The following CFAP20DC variants were observed in gnomAD, a reference collection of about 807,000 sequenced individuals.
CFAP20DC encodes protein CFAP20DC.
A neutral mutation model predicts 101.7 loss-of-function variants in CFAP20DC; 84 were observed. The ratio of observed to expected loss-of-function variants is 0.83; its 90% CI spans 0.69 to 0.99. The LOEUF (loss-of-function observed/expected upper bound fraction) is 0.99. Among genes scored for constraint, CFAP20DC ranks in the 50% least tolerant of loss-of-function variants. CFAP20DC has a pLI of 0.00. For synonymous variants in CFAP20DC, 359 were observed against 351.2 expected, an observed-to-expected ratio of 1.02 and a Z score of -0.25; for missense variants, 1,007 against 970.3, an observed-to-expected ratio of 1.04 and a Z score of -0.50.
chr3:59,021,992 T>C (rs1201042234), intron 4 of CFAP20DC, among the ~76,000 whole-genome samples: 1 of 152,046 alleles, frequency 6.6e-6, no homozygotes, highest in African/African-American at 2.4e-5. Context: ...AGTTGCTTTG[T>C]TTTTTGCCTT....
At chr3:58,878,138 C>T (rs1449967278) in intron 7 of CFAP20DC, among the ~76,000 whole-genome samples, 3 of 152,006 alleles carry the variant, frequency 2.0e-5, no homozygotes, top group Non-Finnish European at 4.4e-5. Flanking sequence ...TCTGTAAACC[C>T]AGAAAACACA....
Position 58,912,684 on chromosome 3 carries a change from T to A in CFAP20DC, c.550+1024A>T. On this transcript the variant is annotated intron_variant, in intron 6 of 16. Transcript: ENST00000482387. This position sits in a 1 kb window ranked among gnomAD's most constrained non-coding sequence, Gnocchi z 4.4. ...AGTATTCTTTCAATACTTTTGGTTGTTTAAAACCATCTGAGCAGTATGGTG... is the reference window on the plus strand; with the variant it reads ...AGTATTCTTTCAATACTTTTGGTTGATTAAAACCATCTGAGCAGTATGGTG... 2.2e-6 allele frequency: 1 copy of A among 452,830 alleles called. No individual in the cohort carries two copies. 28.1% of individuals were successfully genotyped at this position (452,830 alleles called of 1,614,324 possible). A position where few individuals can be genotyped will look rare whatever the true frequency, so the allele number is the denominator to read the frequency against.
Position 58,724,130 on chromosome 3 carries a change from G to T in CFAP20DC, c.198-6502C>A, listed in dbSNP as rs1027565699. 1.1e-4 allele frequency among the ~76,000 whole-genome samples: 16 copies of T among 152,166 alleles called. No homozygotes were observed. In the East Asian group the frequency reaches 2.9e-3, roughly 28 times the overall value. On this transcript the variant is annotated intron_variant, in intron 3 of 3. Transcript: ENST00000486145. This position sits in a 1 kb window ranked among gnomAD's most constrained non-coding sequence, Gnocchi z 5.6. Reference sequence around the variant, plus strand: ...AGGGGCCTGGGGAATTCTCAAGTTGGTTTGTGGGGGTCAAGCAGGTTCTTC... The same window carrying T: ...AGGGGCCTGGGGAATTCTCAAGTTGTTTTGTGGGGGTCAAGCAGGTTCTTC...
rs1273727693 is a variant in CFAP20DC at position 59,033,187 on chromosome 3, T to C, written c.278+6370A>G. ...AAAAGGATGTCCACACAAAAACCCA[T>C]CCGAAGGTCACCAACATCAAAGACC... On this transcript the variant is annotated intron_variant, in intron 4 of 16. Transcript: ENST00000482387. 3.9e-5 allele frequency among the ~76,000 whole-genome samples: 6 copies of C among 151,900 alleles called. No homozygotes were observed. In the South Asian group the frequency reaches 1.2e-3, roughly 32 times the overall value.
At position 59,006,081 on chromosome 3, in the gene CFAP20DC, A is replaced by G. The variant is rs1236698937; in HGVS notation, c.278+33476T>C. On this transcript the variant is annotated intron_variant, in intron 4 of 16. Coordinates refer to ENST00000482387, the MANE Select transcript of CFAP20DC (RefSeq NM_001394063.1). This position sits in a 1 kb window ranked among gnomAD's most constrained non-coding sequence, Gnocchi z 4.3. ...CCTACATTTATATGTGTTTTTATAAATATGTAATATACTGTGTATATGTAT... is the reference window on the plus strand; with the variant it reads ...CCTACATTTATATGTGTTTTTATAAGTATGTAATATACTGTGTATATGTAT... Among the ~76,000 whole-genome samples, 1 of 152,194 alleles carries G rather than the reference A, an allele frequency of 6.6e-6. No homozygotes were observed. The highest frequency in any genetic ancestry group is 1.5e-5 in the Non-Finnish European group (1 of 68,034).
intron 5 of CFAP20DC, among the ~76,000 whole-genome samples, chr3:58,931,213 T>TG (rs1350091357): frequency 6.6e-6 from 1 of 151,940 alleles, no homozygotes; most frequent in East Asian, 1.9e-4. Flanking sequence ...GAAGCGAGGC[T>TG]GGGGGAGGGG....
intron 4 of CFAP20DC, among the ~76,000 whole-genome samples, chr3:59,021,649 C>T (rs1168203185): frequency 6.6e-6 from 1 of 152,090 alleles, no homozygotes; most frequent in Non-Finnish European, 1.5e-5. Context: ...CAGATTGAAC[C>T]TGGTCACACA....
chr3:58,925,140 T>C (rs1033429113), intron 5 of CFAP20DC, among the ~76,000 whole-genome samples: 3 of 152,202 alleles, frequency 2.0e-5, no homozygotes, highest in Non-Finnish European at 4.4e-5. Flanking sequence ...GATTTTTTTT[T>C]CTGCTAGTTA....
chr3:58,841,723 T>A (rs1040761103), intron 13 of CFAP20DC, among the ~76,000 whole-genome samples: 1 of 152,240 alleles, frequency 6.6e-6, no homozygotes, highest in African/African-American at 2.4e-5. Flanking sequence ...ATTTTACAAT[T>A]CTTTTCCTAT....
chr3:58,801,160 G>A (rs150774959), intron 15 of CFAP20DC, among the ~76,000 whole-genome samples: 404 of 152,158 alleles, frequency 2.7e-3, no homozygotes, highest in African/African-American at 8.3e-3. Context: ...AGCCAGACCC[G>A]TGGGTTCTAA....
intron 6 of CFAP20DC, among the ~76,000 whole-genome samples, chr3:58,898,597 T>C (rs1390360229): frequency 6.6e-6 from 1 of 152,228 alleles, no homozygotes; most frequent in African/African-American, 2.4e-5. Flanking sequence ...TGTTTTATCA[T>C]GATTCTTAGC....
intron 4 of CFAP20DC, among the ~76,000 whole-genome samples, chr3:58,956,499 C>A (rs1559894818): frequency 6.6e-6 from 1 of 152,072 alleles, no homozygotes; most frequent in Non-Finnish European, 1.5e-5. Context: ...GGTTTGAGTG[C>A]CTTCTCAGCT....
rs768925158 is a variant in CFAP20DC at position 58,918,700 on chromosome 3, T to C, written c.394-4836A>G. On this transcript the variant is annotated intron_variant, in intron 5 of 16. Coordinates refer to ENST00000482387, the MANE Select transcript of CFAP20DC (RefSeq NM_001394063.1). ...ATACTGGCAACTCCTTTGAAATATA[T>C]TCTTCCCAGGGATGCAAGAGTCTGG... is the stretch of plus-strand genomic sequence containing the variant. Among the ~76,000 whole-genome samples the C allele has an allele frequency of 3.7e-4, 57 of 152,236 alleles. 1 individual carries two copies. Among genetic ancestry groups the C allele is most frequent in the Middle Eastern group, 3.4e-3 (1 of 294 alleles).
chr3:58,850,628 C>A (rs189713472), intron 12 of CFAP20DC, among the ~76,000 whole-genome samples: 2 of 149,904 alleles, frequency 1.3e-5, no homozygotes, highest in African/African-American at 2.4e-5. Flanking sequence ...AAAAAACCAA[C>A]CAACCAACCA....
At chr3:58,782,713 G>A (rs894556505) in intron 15 of CFAP20DC, among the ~76,000 whole-genome samples, 5 of 151,914 alleles carry the variant, frequency 3.3e-5, no homozygotes, top group African/African-American at 1.2e-4. Flanking sequence ...CCAAGGATGT[G>A]AAGAATTTCC....
intron 4 of CFAP20DC, among the ~76,000 whole-genome samples, chr3:59,003,281 C>T (rs1340527270): frequency 1.3e-5 from 2 of 152,106 alleles, no homozygotes; most frequent in African/African-American, 4.8e-5. Context: ...TGCTGCACAT[C>T]TATTAAACAG....
chr3:58,995,837 C>T (rs1296295493), intron 4 of CFAP20DC, among the ~76,000 whole-genome samples: 1 of 152,176 alleles, frequency 6.6e-6, no homozygotes, highest in Non-Finnish European at 1.5e-5. Context: ...GGAGCTTATA[C>T]CATTGGCTCT....
chr3:59,022,198 AC>A (rs1472535800), intron 4 of CFAP20DC, among the ~76,000 whole-genome samples: 27 of 152,186 alleles, frequency 1.8e-4, no homozygotes, highest in African/African-American at 6.3e-4. Flanking sequence ...TTACATGTTC[AC>A]CTTTTTGCAA....
intron 4 of CFAP20DC, among the ~76,000 whole-genome samples, chr3:59,036,175 A>C (rs1015702575): frequency 6.6e-6 from 1 of 152,186 alleles, no homozygotes; most frequent in Non-Finnish European, 1.5e-5. Flanking sequence ...ATTTATGACA[A>C]ACCCATAGCC....
Sources: allele counts gnomAD v4.1 joint callset (sites outside exome capture counted in the v4.1 genomes callset), GRCh38; gene constraint gnomAD v4.1.1; non-coding constraint Gnocchi (gnomAD v3.1); transcripts MANE v1.5; gene names NCBI Gene and HGNC (gene_info 2026-07-23, HGNC 2026-07-21).